The following ASTN2 variants were observed in gnomAD, a reference collection of about 807,000 sequenced individuals.
The protein encoded by ASTN2 is astrotactin-2.
Under a neutral mutation model 139.8 loss-of-function variants are expected in ASTN2, and 54 were observed. The observed-to-expected ratio is 0.39, with a 90% CI of 0.31 to 0.48. ASTN2 has a LOEUF of 0.48. Among genes scored for constraint, ASTN2 ranks in the 20% least tolerant of loss-of-function variants. The pLI, the probability that ASTN2 is intolerant of heterozygous loss-of-function variation, is 0.95. For missense variants in ASTN2, 1,565 were observed against 1,725.1 expected (o/e 0.91, Z 1.64); for synonymous variants, 756 against 719.5 (o/e 1.05, Z -0.81).
intron 13 of ASTN2, among the ~76,000 whole-genome samples, chr9:116,740,874 C>G (rs1588255473): frequency 1.3e-5 from 2 of 151,272 alleles, no homozygotes; most frequent in African/African-American, 4.9e-5. Flanking sequence ...CTGAATCTCT[C>G]CAAGGATCTC....
chr9:116,593,153 C>T (rs1854439955), intron 19 of ASTN2, among the ~76,000 whole-genome samples: 1 of 152,106 alleles, frequency 6.6e-6, no homozygotes, highest in Non-Finnish European at 1.5e-5. Context: ...ATGAAGATTC[C>T]AAGGAGGTCA....
chr9:117,334,371 C>G (rs1828807592), intron 1 of ASTN2, among the ~76,000 whole-genome samples: 1 of 152,078 alleles, frequency 6.6e-6, no homozygotes, highest in Non-Finnish European at 1.5e-5. Context: ...TTCACTGACC[C>G]CTGAGACTAG....
intron 19 of ASTN2, among the ~76,000 whole-genome samples, chr9:116,534,979 T>C (rs1001726427): frequency 1.3e-5 from 2 of 152,198 alleles, no homozygotes; most frequent in African/African-American, 2.4e-5. Flanking sequence ...TCTCCCATTT[T>C]TATTGTGTGG....
intron 19 of ASTN2, among the ~76,000 whole-genome samples, chr9:116,494,088 T>G (rs1008579649): frequency 5.3e-5 from 8 of 152,190 alleles, no homozygotes; most frequent in African/African-American, 1.9e-4. Flanking sequence ...TTGTTTCTTC[T>G]GAAACATGGT....
In ASTN2 at chr9:116,725,915, T is replaced by C. The variant is rs1227531092; in HGVS notation, c.2662A>G (p.Ser888Gly). The C allele has an allele frequency of 6.2e-7, 1 of 1,613,764 alleles. No homozygotes were observed. The highest frequency in any genetic ancestry group is 2.2e-5 in the East Asian group (1 of 44,864). Reference sequence around the variant, plus strand: ...AAGGACAGCAGCTCCTCCCGACTGCTCTCCTTGGTCAGGATCTTGAGAACA... The same window carrying C: ...AAGGACAGCAGCTCCTCCCGACTGCCCTCCTTGGTCAGGATCTTGAGAACA... ...TNVLKILTKESSREELLSFIQ... is the reference protein window; with the variant it reads ...TNVLKILTKEGSREELLSFIQ... Residue 888 changes from serine to glycine, a missense_variant, in exon 16 of 23, where the codon AGC becomes GGC. This residue lies in a region of ASTN2 where 503 missense variants were observed against 591.7 expected (regional missense o/e 0.85). Transcript: ENST00000313400.
intron 13 of ASTN2, among the ~76,000 whole-genome samples, chr9:116,737,489 G>GTC (rs1275059617): frequency 6.7e-6 from 1 of 150,318 alleles, no homozygotes; most frequent in Non-Finnish European, 1.5e-5. Context: ...GTGTGTGTGT[G>GTC]TGTGTGTAGT....
chr9:116,452,464 G>C (rs1848204301), intron 20 of ASTN2, among the ~76,000 whole-genome samples: 1 of 152,204 alleles, frequency 6.6e-6, no homozygotes, highest in African/African-American at 2.4e-5. Context: ...GTGACGGTGT[G>C]AGGACTAAAT....
intron 13 of ASTN2, among the ~76,000 whole-genome samples, chr9:116,794,848 T>C (rs893966113): frequency 2.0e-5 from 3 of 152,218 alleles, no homozygotes; most frequent in Admixed American, 2.0e-4. Context: ...AGGTAGTAGG[T>C]GAGCGAGACT....
rs565510520 is a variant in ASTN2 at position 117,085,954 on chromosome 9, A to T, written c.1276+10090T>A. Among the ~76,000 whole-genome samples the T allele has an allele frequency of 9.8e-5, 15 of 152,334 alleles. No homozygotes were observed. In the East Asian group the frequency reaches 1.5e-3, roughly 16 times the overall value. On this transcript the variant is annotated intron_variant, in intron 5 of 22. Coordinates refer to ENST00000313400, the MANE Select transcript of ASTN2 (RefSeq NM_001365068.1). ...CCTTAACTCATGGCAGCCTCAGGAA[A>T]GTGAACCCTCTCAATTCTTAGTTTC...
At chr9:116,906,695 T>G (rs1290519476) in intron 10 of ASTN2, among the ~76,000 whole-genome samples, 1 of 152,136 alleles carries the variant, frequency 6.6e-6, no homozygotes, top group Non-Finnish European at 1.5e-5. Flanking sequence ...TTGTTTGTTT[T>G]TGTACCTCAG....
chr9:116,965,776 G>A (rs1173307504), intron 10 of ASTN2, among the ~76,000 whole-genome samples: 1 of 152,164 alleles, frequency 6.6e-6, no homozygotes, highest in African/African-American at 2.4e-5. Context: ...TTCCATGCAG[G>A]AAGTGAGGGA....
At chr9:116,609,442 T>G (rs981471500) in intron 19 of ASTN2, among the ~76,000 whole-genome samples, 2 of 145,602 alleles carry the variant, frequency 1.4e-5, no homozygotes, top group Non-Finnish European at 3.0e-5. Flanking sequence ...GATTTATAAT[T>G]TGAAGCAATG....
At chr9:117,013,612 G>A (rs965753213) in intron 6 of ASTN2, among the ~76,000 whole-genome samples, 6 of 151,834 alleles carry the variant, frequency 4.0e-5, no homozygotes, top group African/African-American at 7.3e-5. Flanking sequence ...GGGACTGCAC[G>A]GGCACGGAGG....
chr9:116,790,960 AAAGAAGGAAAG>A (rs1564268760), intron 13 of ASTN2, among the ~76,000 whole-genome samples: 125 of 128,512 alleles, frequency 9.7e-4, no homozygotes, highest in African/African-American at 3.4e-3. Context: ...GAAAGAAAAG[AAAGAAGGAAAG>A]AAAGAAAGAA....
chr9:117,250,756 C>T (rs1320844295), intron 2 of ASTN2, among the ~76,000 whole-genome samples: 2 of 152,158 alleles, frequency 1.3e-5, no homozygotes, highest in Non-Finnish European at 2.9e-5. Context: ...TACTGTCATT[C>T]CTGTGGACAG....
chr9:117,125,275 G>C (rs930076269), intron 4 of ASTN2, among the ~76,000 whole-genome samples: 5 of 152,152 alleles, frequency 3.3e-5, no homozygotes, highest in Non-Finnish European at 7.4e-5. Context: ...CATTTGGGGA[G>C]ACAGTTGGTT....
chr9:116,561,566 A>G (rs144612484), intron 19 of ASTN2, among the ~76,000 whole-genome samples: 1 of 152,326 alleles, frequency 6.6e-6, no homozygotes, highest in East Asian at 1.9e-4. Flanking sequence ...AGAGAAAAAC[A>G]GAAACAGAGA....
intron 3 of ASTN2, among the ~76,000 whole-genome samples, chr9:117,151,333 G>C (rs770989524): frequency 6.6e-6 from 1 of 152,094 alleles, no homozygotes; most frequent in African/African-American, 2.4e-5. Context: ...TGACTTCAGA[G>C]GAAGGCCACA....
At chr9:116,772,576 C>A (rs1829982921) in intron 13 of ASTN2, among the ~76,000 whole-genome samples, 1 of 152,150 alleles carries the variant, frequency 6.6e-6, no homozygotes, top group African/African-American at 2.4e-5. Context: ...CAGGTAAATG[C>A]CAACCATGTA....
Sources: gnomAD v4.1 joint callset for allele counts (sites outside exome capture counted in the v4.1 genomes callset) on GRCh38, gnomAD v4.1.1 for gene constraint, gnomAD v4.1.1 regional missense constraint, MANE v1.5 for transcripts, NCBI Gene and HGNC (gene_info 2026-07-23, HGNC 2026-07-21) for gene names.